Variants in INPP4B observed in about 807,000 individuals in gnomAD.
The protein encoded by INPP4B is inositol polyphosphate-4-phosphatase type II B.
In INPP4B, 55 loss-of-function variants were observed where a neutral mutation model predicts 122.5. That is an observed-to-expected ratio of 0.45 (90% CI 0.36 to 0.56). The LOEUF (loss-of-function observed/expected upper bound fraction) is 0.56, where lower values mean the gene tolerates loss of function less well. Ranked by LOEUF, INPP4B falls within the 20% of genes least tolerant of loss-of-function variation. The pLI, the probability that INPP4B is intolerant of heterozygous loss-of-function variation, is 0.00. For missense variants in INPP4B, 1,000 were observed against 1,097.7 expected (o/e 0.91, Z 1.26); for synonymous variants, 403 against 388.7 (o/e 1.04, Z -0.43).
At chr4:142,377,975 C>G (rs1233810876) in intron 7 of INPP4B, among the ~76,000 whole-genome samples, 2 of 152,094 alleles carry the variant, frequency 1.3e-5, no homozygotes, top group East Asian at 3.9e-4. Context: ...TAAATCTTAT[C>G]TTGGAAATAC....
chr4:142,408,638 T>A (rs1433244477), intron 5 of INPP4B, among the ~76,000 whole-genome samples: 1 of 152,232 alleles, frequency 6.6e-6, no homozygotes, highest in Non-Finnish European at 1.5e-5. Flanking sequence ...AGGAGTGGCC[T>A]GCATCTGTGG....
intron 18 of INPP4B, among the ~76,000 whole-genome samples, chr4:142,142,747 G>T (rs1447944413): frequency 6.6e-6 from 1 of 151,986 alleles, no homozygotes; most frequent in Non-Finnish European, 1.5e-5. Context: ...AATAAAATAA[G>T]TATTCAAACA....
chr4:142,684,458 A>G (rs1759070274), intron 2 of INPP4B, among the ~76,000 whole-genome samples: 2 of 151,992 alleles, frequency 1.3e-5, no homozygotes. Context: ...AGTCTAATTT[A>G]ATGATATGAA....
intron 23 of INPP4B, among the ~76,000 whole-genome samples, chr4:142,087,081 A>G (rs1777217130): frequency 6.6e-6 from 1 of 152,168 alleles, no homozygotes; most frequent in Admixed American, 6.5e-5. Context: ...TGCTGGGAGG[A>G]AGACCATACT....
chr4:142,038,326 A>T (rs1745241063), intron 25 of INPP4B, among the ~76,000 whole-genome samples: 1 of 152,140 alleles, frequency 6.6e-6, no homozygotes, highest in Non-Finnish European at 1.5e-5. Context: ...TTCTCTTCTA[A>T]CTGTATTTCA....
chr4:142,599,873 T>C (rs150884863), intron 2 of INPP4B, among the ~76,000 whole-genome samples: 3 of 151,872 alleles, frequency 2.0e-5, no homozygotes, highest in African/African-American at 7.3e-5. Context: ...GAAGAATTCC[T>C]TTAATGAAAT....
chr4:142,266,661 G>A (rs985425773), intron 10 of INPP4B, among the ~76,000 whole-genome samples: 2 of 152,040 alleles, frequency 1.3e-5, no homozygotes, highest in Non-Finnish European at 2.9e-5. Context: ...ACAAGACAAA[G>A]ATGTCCATTC....
In INPP4B at chr4:142,579,712, G is replaced by A. The variant is rs184714046; in HGVS notation, c.-190-116986C>T. Among the ~76,000 whole-genome samples, 517 of 151,676 alleles carry A rather than the reference G, an allele frequency of 3.4e-3. 2 individuals carry two copies. Among genetic ancestry groups the A allele is most frequent in the African/African-American group, 0.011 (469 of 41,402 alleles). ...GGAAACATGTTTCTTCCTGGGTCTC[G>A]TGACTGCCAGCCTTCAGACTAGAAT... On this transcript the variant is annotated intron_variant, in intron 2 of 25. Transcript: ENST00000262992.
chr4:142,178,098 C>T (rs1220910218), intron 15 of INPP4B, among the ~76,000 whole-genome samples: 2 of 152,164 alleles, frequency 1.3e-5, no homozygotes, highest in East Asian at 3.9e-4. Context: ...TAACCTGTCC[C>T]AAACTGATCC....
intron 8 of INPP4B, among the ~76,000 whole-genome samples, chr4:142,306,584 A>C (rs1236835493): frequency 6.6e-6 from 1 of 152,224 alleles, no homozygotes; most frequent in Admixed American, 6.5e-5. Context: ...CACACATGAA[A>C]GGCTGCATCC....
intron 1 of INPP4B, among the ~76,000 whole-genome samples, chr4:142,776,387 A>T (rs1773924073): frequency 1.3e-5 from 2 of 152,148 alleles, no homozygotes; most frequent in East Asian, 1.9e-4. Context: ...TTGCACTTTA[A>T]TACACTCCCA....
At chr4:142,444,412 A>G (rs1418169092) in intron 3 of INPP4B, among the ~76,000 whole-genome samples, 1 of 152,154 alleles carries the variant, frequency 6.6e-6, no homozygotes, top group East Asian at 1.9e-4. Context: ...AAAAAACCTC[A>G]TCTTTACTGG....
At chr4:142,211,348 T>C (rs1272345710) in intron 12 of INPP4B, among the ~76,000 whole-genome samples, 1 of 152,116 alleles carries the variant, frequency 6.6e-6, no homozygotes, top group Non-Finnish European at 1.5e-5. Flanking sequence ...TTCATGAAAA[T>C]TGGTAAACTT....
rs74722242 is a variant in INPP4B at position 142,360,703 on chromosome 4, C to T, written c.372+42235G>A. 9.8e-3 allele frequency among the ~76,000 whole-genome samples: 1,486 copies of T among 151,948 alleles called. 33 individuals are homozygous for T. The highest frequency in any genetic ancestry group is 0.034 in the African/African-American group (1,413 of 41,506). Reference sequence around the variant, plus strand: ...ATACACTGCAGGAAAGAAAACCATACTTTTACATAATAGTCAAGATGATGG... The same window carrying T: ...ATACACTGCAGGAAAGAAAACCATATTTTTACATAATAGTCAAGATGATGG... On this transcript the variant is annotated intron_variant, in intron 7 of 25. Transcript: ENST00000262992.
chr4:142,820,382 T>A (rs1219356717), intron 1 of INPP4B, among the ~76,000 whole-genome samples: 1 of 152,034 alleles, frequency 6.6e-6, no homozygotes, highest in African/African-American at 2.4e-5. Flanking sequence ...TTTCTCTCTC[T>A]CACTTCCCCT....
At chr4:142,305,179 ATTTAC>A (rs902407988) in intron 9 of INPP4B, among the ~76,000 whole-genome samples, 9 of 152,196 alleles carry the variant, frequency 5.9e-5, no homozygotes, top group African/African-American at 2.2e-4. Context: ...CATAATTTAT[ATTTAC>A]TTTCTTACTT....
chr4:142,622,506 C>A (rs1277217150), intron 2 of INPP4B, among the ~76,000 whole-genome samples: 2 of 151,918 alleles, frequency 1.3e-5, no homozygotes, highest in African/African-American at 4.8e-5. Flanking sequence ...TTTTGCACTT[C>A]AGTCCTTCTA....
intron 23 of INPP4B, among the ~76,000 whole-genome samples, chr4:142,099,620 A>G (rs9884618): frequency 0.93 from 141,366 of 152,162 alleles, 66,577 homozygotes; most frequent in East Asian, 1. Context: ...CTTCAAGTTT[A>G]TTAAAAATAC....
At chr4:142,123,691 C>G (rs1797512700) in intron 19 of INPP4B, among the ~76,000 whole-genome samples, 1 of 152,088 alleles carries the variant, frequency 6.6e-6, no homozygotes, top group Non-Finnish European at 1.5e-5. Context: ...CCATTTCTAA[C>G]AGTAAATTCA....
Sources: gnomAD v4.1 joint callset for allele counts (sites outside exome capture counted in the v4.1 genomes callset) on GRCh38, gnomAD v4.1.1 for gene constraint, MANE v1.5 for transcripts, NCBI Gene and HGNC (gene_info 2026-07-23, HGNC 2026-07-21) for gene names.